POLR3B: variants seen among roughly 807,000 people sequenced by gnomAD.
The protein encoded by POLR3B is DNA-directed RNA polymerase III subunit RPC2.
Under a neutral mutation model 147.4 loss-of-function variants are expected in POLR3B, and 96 were observed. That is an observed-to-expected ratio of 0.65 (90% CI 0.55 to 0.77). POLR3B has a LOEUF of 0.77. Ranked by LOEUF, POLR3B falls within the 30% of genes least tolerant of loss-of-function variation. The probability of loss-of-function intolerance (pLI) is 0.00; values close to 1 mark genes in which losing one functional copy is unlikely to be tolerated. For missense variants in POLR3B, 1,036 were observed against 1,413.5 expected, an observed-to-expected ratio of 0.73 and a Z score of 4.28; for synonymous variants, 461 against 485.9, an observed-to-expected ratio of 0.95 and a Z score of 0.67.
In POLR3B at chr12:106,496,845, G is replaced by C. The variant is rs1009457531; in HGVS notation, c.2911G>C (p.Asp971His). 1.9e-6 allele frequency: 3 copies of C among 1,614,020 alleles called. No individual in the cohort carries two copies. Among genetic ancestry groups the C allele is most frequent in the African/African-American group, 2.7e-5 (2 of 74,914 alleles). Residue 971 changes from aspartate to histidine, a missense_variant, in exon 25 of 28, where the codon GAT (aspartate) becomes CAT (histidine). By Grantham distance (81) the Asp-to-His change is moderately conservative (BLOSUM62 -1). Transcript: ENST00000228347. ...GTAFGGSKVK[D>H]VCEDLVRHGY... ...TGCGTTTGGAGGCAGTAAAGTGAAGGATGTGTGTGAGGACCTCGTTCGCCA... is the reference window on the plus strand; with the variant it reads ...TGCGTTTGGAGGCAGTAAAGTGAAGCATGTGTGTGAGGACCTCGTTCGCCA...
intron 18 of POLR3B, 83 bp from the exon 19 acceptor site, chr12:106,444,380 A>G (rs1447291541): frequency 1.5e-6 from 2 of 1,376,640 alleles, no homozygotes; most frequent in African/African-American, 2.8e-5. Context: ...GAGGACCTAG[A>G]TAACAATATT....
chr12:106,480,735 G>T (rs1004294577), intron 23 of POLR3B, among the ~76,000 whole-genome samples: 1 of 152,156 alleles, frequency 6.6e-6, no homozygotes, highest in Non-Finnish European at 1.5e-5. Flanking sequence ...TATCTTCTGC[G>T]TGTCTGGTAC....
intron 25 of POLR3B, chr12:106,499,930 C>T (rs895645908): frequency 8.9e-6 from 3 of 335,496 alleles, no homozygotes; most frequent in East Asian, 7.5e-5. Context: ...TCCTTTGCCT[C>T]TCTGCTGTGT....
In POLR3B at chr12:106,427,312, T is replaced by G; in HGVS notation, c.1217T>G (p.Met406Arg). 1 of 1,613,666 alleles carries G rather than the reference T, an allele frequency of 6.2e-7. No homozygotes were observed. Among genetic ancestry groups the G allele is most frequent in the Non-Finnish European group, 8.5e-7 (1 of 1,179,756 alleles). The change falls in exon 13 of 28, where the codon ATG (methionine) becomes AGG (arginine). Residue 406 changes from methionine (M) to arginine (R), a missense_variant. By Grantham distance (91) the Met-to-Arg change is moderately conservative (BLOSUM62 -1). This residue lies in a region of POLR3B where 89 missense variants were observed against 110.9 expected (regional missense o/e 0.80). Coordinates refer to ENST00000228347, the MANE Select transcript of POLR3B (RefSeq NM_018082.6). ...RAAQFDVVKH[M>R]RQDQITNGMV... Reference sequence around the variant, plus strand: ...GCCCAGTTTGATGTTGTCAAACACATGCGCCAAGACCAGATCACCAATGGC... The same window carrying G: ...GCCCAGTTTGATGTTGTCAAACACAGGCGCCAAGACCAGATCACCAATGGC...
At chr12:106,388,101 A>G (rs1454522012) in intron 9 of POLR3B, among the ~76,000 whole-genome samples, 1 of 152,154 alleles carries the variant, frequency 6.6e-6, no homozygotes, top group Admixed American at 6.5e-5. Flanking sequence ...TCTGAATATG[A>G]TGGAGAAAGC....
At chr12:106,366,858 C>G (rs2036542859) in intron 4 of POLR3B, 136 bp downstream of exon 4, 1 of 721,484 alleles carries the variant, frequency 1.4e-6, no homozygotes, top group Non-Finnish European at 2.4e-6. Context: ...ATACCAAGCA[C>G]TTTGGGAGGC....
At chr12:106,506,758 C>T (rs1202257541) in intron 27 of POLR3B, among the ~76,000 whole-genome samples, 1 of 152,114 alleles carries the variant, frequency 6.6e-6, no homozygotes, top group Non-Finnish European at 1.5e-5. Context: ...GAGTGGCCTA[C>T]TTATACCCTT....
chr12:106,450,456 T>C (rs1201090627), intron 19 of POLR3B, among the ~76,000 whole-genome samples: 1 of 152,224 alleles, frequency 6.6e-6, no homozygotes, highest in African/African-American at 2.4e-5. Context: ...GCAATACATA[T>C]ATCTGATAAA....
intron 11 of POLR3B, among the ~76,000 whole-genome samples, chr12:106,407,049 T>C (rs1033858637): frequency 1.3e-5 from 2 of 152,216 alleles, no homozygotes; most frequent in Non-Finnish European, 2.9e-5. Flanking sequence ...TCAATCCAAA[T>C]AATACAGGTC....
intron 26 of POLR3B, among the ~76,000 whole-genome samples, chr12:106,502,922 A>G (rs1167189912): frequency 3.3e-5 from 5 of 152,218 alleles, no homozygotes; most frequent in Non-Finnish European, 7.3e-5. Context: ...TTGTGTAGAA[A>G]AAGTTATTAC....
At chr12:106,412,858 C>T (rs2037247060) in intron 12 of POLR3B, among the ~76,000 whole-genome samples, 1 of 152,116 alleles carries the variant, frequency 6.6e-6, no homozygotes, top group Non-Finnish European at 1.5e-5. Context: ...ATCCTTTTTA[C>T]TACTTTGATT....
chr12:106,402,574 G>C (rs367602892), intron 10 of POLR3B, among the ~76,000 whole-genome samples: 3 of 152,324 alleles, frequency 2.0e-5, no homozygotes, highest in African/African-American at 7.2e-5. Context: ...CAAGTCTACA[G>C]TAACCAAAAC....
intron 23 of POLR3B, among the ~76,000 whole-genome samples, chr12:106,479,970 G>A (rs1421777914): frequency 1.3e-5 from 2 of 149,594 alleles, no homozygotes; most frequent in Middle Eastern, 3.2e-3. Context: ...GCACCACCAT[G>A]CCTGGCTAAT....
intron 16 of POLR3B, among the ~76,000 whole-genome samples, chr12:106,434,407 T>C (rs967181546): frequency 2.6e-5 from 4 of 152,018 alleles, no homozygotes; most frequent in Admixed American, 2.0e-4. Context: ...TTGTGTTAAC[T>C]TGGAGGTAGG....
At chr12:106,471,510 C>T (rs575196081) in intron 23 of POLR3B, among the ~76,000 whole-genome samples, 1 of 152,188 alleles carries the variant, frequency 6.6e-6, no homozygotes, top group Admixed American at 6.5e-5. Context: ...AACCAGGTAC[C>T]TCAGTTGGAA....
intron 13 of POLR3B, among the ~76,000 whole-genome samples, chr12:106,429,174 T>C (rs1018642843): frequency 1.8e-4 from 27 of 152,212 alleles, no homozygotes; most frequent in Non-Finnish European, 4.4e-5. Context: ...TTTTGCTTTT[T>C]TTTGGACAGC....
chr12:106,430,334 G>A lies in POLR3B; in HGVS notation c.1325G>A (p.Arg442His), dbSNP rs201153027. 5 of 1,613,934 alleles carry A rather than the reference G, an allele frequency of 3.1e-6. No individual in the cohort carries two copies. Among genetic ancestry groups the A allele is most frequent in the South Asian group, 2.2e-5 (2 of 91,080 alleles). The change falls in exon 14 of 28, where the codon CGC becomes CAC. Residue 442 changes from arginine (R) to histidine (H), a missense_variant. Physicochemically the swap from Arg to His is conservative, Grantham distance 29. This residue lies in a region of POLR3B where 89 missense variants were observed against 110.9 expected (regional missense o/e 0.80). Coordinates refer to ENST00000228347, the MANE Select transcript of POLR3B (RefSeq NM_018082.6). ...CAGGGTGTAACCCAAGTGCTGTCTC[G>A]CTTGTCATATATATCCGCACTGGGC... The part of the protein sequence containing the change: ...DRQGVTQVLS[R>H]LSYISALGMM...
At chr12:106,466,422 T>C (rs1354696943) in intron 23 of POLR3B, among the ~76,000 whole-genome samples, 2 of 152,264 alleles carry the variant, frequency 1.3e-5, no homozygotes, top group Non-Finnish European at 2.9e-5. Context: ...ACTCTGATGA[T>C]AGTTTCTTTT....
intron 9 of POLR3B, among the ~76,000 whole-genome samples, chr12:106,387,040 C>A (rs2036850195): frequency 6.6e-6 from 1 of 152,150 alleles, no homozygotes; most frequent in Non-Finnish European, 1.5e-5. Context: ...TAACAATATG[C>A]ATATTTATGT....
Sources: allele counts gnomAD v4.1 joint callset (sites outside exome capture counted in the v4.1 genomes callset), GRCh38; gene constraint gnomAD v4.1.1; regional missense constraint gnomAD v4.1.1; transcripts MANE v1.5; gene names NCBI Gene and HGNC (gene_info 2026-07-23, HGNC 2026-07-21).